Variants in MCM3AP observed in about 807,000 individuals in gnomAD.
MCM3AP encodes minichromosome maintenance complex component 3 associated protein, also known as germinal-center associated nuclear protein.
In MCM3AP, 126 loss-of-function variants were observed where a neutral mutation model predicts 184.1. The ratio of observed to expected loss-of-function variants is 0.68; its 90% confidence interval spans 0.59 to 0.79. The LOEUF (loss-of-function observed/expected upper bound fraction) is 0.79. Among genes scored for constraint, MCM3AP ranks in the 30% least tolerant of loss-of-function variants. The pLI is 0.00. For missense variants in MCM3AP, 2,496 were observed against 2,479.2 expected (o/e 1.01, Z -0.14); for synonymous variants, 1,002 against 979.3 (o/e 1.02, Z -0.43).
At chr21:46,252,780 A>G (rs2080893650) in intron 19 of MCM3AP, 1 of 152,204 alleles carries the variant, frequency 6.6e-6, no homozygotes, top group South Asian at 2.1e-4. Context: ...TCTAAAAATC[A>G]CTGAAATGTA....
At chr21:46,266,635 G>A (rs998719929) in intron 10 of MCM3AP, 6 of 294,484 alleles carry the variant, frequency 2.0e-5, no homozygotes, top group Non-Finnish European at 3.8e-5. Context: ...GCTGGCCTGC[G>A]GGTGCCTCCA....
At position 46,272,615 on chromosome 21, in the gene MCM3AP, G is replaced by A. The variant is rs369099987; in HGVS notation, c.2411C>T (p.Ala804Val). Residue 804 changes from alanine (A) to valine (V), a missense_variant, in exon 8 of 28, where the codon GCG (alanine) becomes GTG (valine). Ala to Val is a moderately conservative substitution (Grantham distance 64, BLOSUM62 0). Coordinates refer to ENST00000291688, the MANE Select transcript of MCM3AP (RefSeq NM_003906.5). ...CAGAACATTGTAGCCCTGGAACTCC[G>A]CTTCGCTGGCACAGAAGACACCCTT... ...RNKGVFCASE[A>V]EFQGYNVLLS... is the part of the protein sequence containing the mutation. 103 of 1,614,038 alleles carry A rather than the reference G, an allele frequency of 6.4e-5. No individual in the cohort carries two copies. The Middle Eastern group carries it at 9.9e-4, about 15-fold the overall frequency.
intron 8 of MCM3AP, 34 bp from the exon 9 acceptor site, chr21:46,270,597 G>T (rs1319268846): frequency 2.6e-6 from 4 of 1,537,176 alleles, no homozygotes; most frequent in Admixed American, 2.1e-5. Flanking sequence ...GGGTTGGAAT[G>T]TTATTTTAAA....
chr21:46,283,569 C>G, intron 2 of MCM3AP, 46 bp downstream of exon 2: 1 of 1,342,440 alleles, frequency 7.4e-7, no homozygotes, highest in Admixed American at 1.9e-5. Context: ...TTTAAAGTGA[C>G]AAGGTTCAAA....
intron 19 of MCM3AP, 196 bp from the exon 20 acceptor site, chr21:46,251,878 G>GTTT (rs1382158250): frequency 7.0e-5 from 13 of 186,004 alleles, no homozygotes; most frequent in South Asian, 2.3e-4. Flanking sequence ...ATCTGTACTC[G>GTTT]TTCTTTTTTT....
chr21:46,253,396 C>T (rs1243841196), intron 19 of MCM3AP: 1 of 152,216 alleles, frequency 6.6e-6, no homozygotes, highest in East Asian at 1.9e-4. Flanking sequence ...AAGACTGTTG[C>T]CAAGTAATAT....
Position 46,243,705 on chromosome 21 carries a change from A to G in MCM3AP, c.5056T>C (p.Cys1686Arg), listed in dbSNP as rs1349766481. Reference sequence around the variant, plus strand: ...GAGGCGTACTGGACAACCATGGAGCACACGGGGAGCCAGGGGGCTGGGGAG... The same window carrying G: ...GAGGCGTACTGGACAACCATGGAGCGCACGGGGAGCCAGGGGGCTGGGGAG... ...PPLGAPWLPV[C>R]SMVVQYASQI... Residue 1686 changes from cysteine (C) to arginine (R), a missense_variant, in exon 24 of 28, where the codon TGC becomes CGC. Cys to Arg is a radical substitution (Grantham distance 180). Coordinates refer to ENST00000291688, the MANE Select transcript of MCM3AP (RefSeq NM_003906.5). 3 of 1,613,952 alleles carry G rather than the reference A, an allele frequency of 1.9e-6. No individual in the cohort carries two copies. The highest frequency in any genetic ancestry group is 2.7e-5 in the African/African-American group (2 of 74,958).
intron 8 of MCM3AP, among the ~76,000 whole-genome samples, chr21:46,271,940 GAAAA>G (rs924798297): frequency 6.9e-6 from 1 of 145,856 alleles, no homozygotes; most frequent in African/African-American, 2.5e-5. Context: ...AAAATACAAA[GAAAA>G]AAAAAAGAGG....
intron 18 of MCM3AP, 94 bp downstream of exon 18, chr21:46,254,682 C>T: frequency 1.4e-6 from 2 of 1,424,696 alleles, no homozygotes; most frequent in Non-Finnish European, 2.0e-6. Flanking sequence ...ATCGAAGAGA[C>T]CTCAGTTGGA....
intron 4 of MCM3AP, among the ~76,000 whole-genome samples, chr21:46,278,895 A>G (rs111796762): frequency 0.019 from 2,890 of 150,916 alleles, 93 homozygotes; most frequent in African/African-American, 0.065. Context: ...GGATGGTCTC[A>G]ATCTCCTGAC....
chr21:46,269,959 C>T (rs2081159663), intron 9 of MCM3AP, among the ~76,000 whole-genome samples: 1 of 152,210 alleles, frequency 6.6e-6, no homozygotes, highest in African/African-American at 2.4e-5. Context: ...GCCTCTGCAA[C>T]CCTAGCACAC....
Position 46,277,604 on chromosome 21 carries a change from G to A in MCM3AP, c.1781C>T (p.Thr594Ile), listed in dbSNP as rs993309963. 1 of 1,612,194 alleles carries A rather than the reference G, an allele frequency of 6.2e-7. No individual in the cohort carries two copies. The highest frequency in any genetic ancestry group is 8.5e-7 in the Non-Finnish European group (1 of 1,179,228). Residue 594 changes from threonine to isoleucine, a missense_variant, in exon 5 of 28, where the codon ACC (threonine) becomes ATC (isoleucine). This residue lies in a region of MCM3AP where 800 missense variants were observed against 717.1 expected (regional missense o/e 1.12). Coordinates refer to ENST00000291688, the MANE Select transcript of MCM3AP (RefSeq NM_003906.5). ...TGTCTCAGCCACAGTGCCTATCAGG[G>A]TACTGAGGGAGAGCACACATGGCCC... ...GLGPCVLSLSTLIGTVAETSK... is the reference protein window; with the variant it reads ...GLGPCVLSLSILIGTVAETSK...
At chr21:46,246,280 A>T (rs1422439861) in intron 22 of MCM3AP, 27 bp downstream of exon 22, 1 of 1,383,280 alleles carries the variant, frequency 7.2e-7, no homozygotes, top group Non-Finnish European at 1.0e-6. Context: ...ATATCTTGAC[A>T]GACCATTAAA....
In MCM3AP at chr21:46,257,138, T is replaced by A. The variant is rs75817575; in HGVS notation, c.3735-152A>T. The A allele has an allele frequency of 1.7e-3, 2,017 of 1,157,526 alleles. 28 individuals carry two copies. In the African/African-American group the frequency reaches 0.028, roughly 16 times the overall value. The allele number at this position is 1,157,526 out of a possible 1,614,324, so 71.7% of individuals were successfully genotyped here. On this transcript the variant is annotated intron_variant, in intron 16 of 27. Transcript: ENST00000291688. ...CCGAACGTTAACAGTTAATACTGAA[T>A]GAGCTTTGGAGGCTGACTTGGCAAT...
rs1425059560 is a variant in MCM3AP, at chr21:46,244,798, A to C, written c.5038+9T>G. Reference sequence around the variant, plus strand: ...CCACCCACCAGACCTCCCCAGGTCAAGCACGTACCCCCCAGGGGTGGAAGG... The same window carrying C: ...CCACCCACCAGACCTCCCCAGGTCACGCACGTACCCCCCAGGGGTGGAAGG... On this transcript the variant is annotated intron_variant, in intron 23 of 27. Coordinates refer to ENST00000291688, the MANE Select transcript of MCM3AP (RefSeq NM_003906.5). 1 of 1,603,220 alleles carries C rather than the reference A, an allele frequency of 6.2e-7. No individual in the cohort carries two copies. Among genetic ancestry groups the C allele is most frequent in the African/African-American group, 1.3e-5 (1 of 74,922 alleles).
At chr21:46,285,911 G>C (rs939210247), upstream of MCM3AP, 1 of 152,444 alleles carries the variant, frequency 6.6e-6, no homozygotes, top group Non-Finnish European at 1.5e-5. Flanking sequence ...CTGCCACGAA[G>C]CTGAGGCCTC....
chr21:46,276,615 C>T (rs893662247), intron 5 of MCM3AP, among the ~76,000 whole-genome samples: 5 of 150,604 alleles, frequency 3.3e-5, no homozygotes, highest in Admixed American at 6.6e-5. Flanking sequence ...CTAATTTTGT[C>T]TTTTTAGTAG....
At chr21:46,269,487 G>A (rs2081154600) in intron 9 of MCM3AP, among the ~76,000 whole-genome samples, 1 of 152,150 alleles carries the variant, frequency 6.6e-6, no homozygotes, top group South Asian at 2.1e-4. Context: ...GTTCTGTTTG[G>A]CAACCTGCAG....
chr21:46,278,166 A>G (rs200115305), intron 4 of MCM3AP, among the ~76,000 whole-genome samples: 2 of 52,292 alleles, frequency 3.8e-5, no homozygotes, highest in Non-Finnish European at 9.9e-5. Context: ...CACCCCCCGA[A>G]AAAAAAAAAA....
Sources: gnomAD v4.1 joint callset for allele counts (sites outside exome capture counted in the v4.1 genomes callset) on GRCh38, gnomAD v4.1.1 for gene constraint, gnomAD v4.1.1 regional missense constraint, MANE v1.5 for transcripts, NCBI Gene and HGNC (gene_info 2026-07-23, HGNC 2026-07-21) for gene names.